CAST: variants seen among roughly 807,000 people sequenced by gnomAD.
The protein encoded by CAST is calpastatin.
Under a neutral mutation model 119.6 loss-of-function variants are expected in CAST, and 76 were observed. The ratio of observed to expected loss-of-function variants is 0.64; its 90% confidence interval spans 0.53 to 0.77. CAST has a LOEUF of 0.77. Among genes scored for constraint, CAST ranks in the 30% least tolerant of loss-of-function variants. The probability of loss-of-function intolerance (pLI) is 0.00; values close to 1 mark genes in which losing one functional copy is unlikely to be tolerated. For synonymous variants in CAST, 319 were observed against 331.6 expected, an observed-to-expected ratio of 0.96 and a Z score of 0.41; for missense variants, 953 against 946.5, an observed-to-expected ratio of 1.01 and a Z score of -0.09.
the CAST span, among the ~76,000 whole-genome samples, chr5:96,193,777 T>A: frequency 6.6e-6 from 1 of 152,166 alleles, no homozygotes; most frequent in African/African-American, 2.4e-5. Context: ...ATCAGCAGGA[T>A]GTTGCTTCTG....
chr5:96,652,036 C>T (rs932755531), intron 1 of CAST, among the ~76,000 whole-genome samples: 4 of 152,184 alleles, frequency 2.6e-5, no homozygotes, highest in Admixed American at 1.3e-4. Flanking sequence ...CAGAGAGCTT[C>T]GGTAAACTTC....
chr5:96,232,519 T>G, the CAST span, among the ~76,000 whole-genome samples: 1 of 152,110 alleles, frequency 6.6e-6, no homozygotes, highest in Non-Finnish European at 1.5e-5. Context: ...GAGAAAAGAT[T>G]GTTTTAGAAT....
chr5:96,353,330 C>T, the CAST span, among the ~76,000 whole-genome samples: 1 of 152,184 alleles, frequency 6.6e-6, no homozygotes, highest in Non-Finnish European at 1.5e-5. Flanking sequence ...CTACTAATCA[C>T]TTCCACTTAG....
the CAST span, among the ~76,000 whole-genome samples, chr5:96,419,958 G>T: frequency 6.6e-6 from 1 of 151,922 alleles, no homozygotes; most frequent in Non-Finnish European, 1.5e-5. Context: ...ACCCACACTG[G>T]ATCCTGGGGC....
Position 96,771,671 on chromosome 5 carries a change from G to C in CAST, c.2368G>C (p.Asp790His), listed in dbSNP as rs1772397302. Residue 790 changes from aspartate (D) to histidine (H), a missense_variant, in exon 31 of 32, where the codon GAT becomes CAT. Asp to His is a moderately conservative substitution (Grantham distance 81). Transcript: ENST00000675179. ...AACAGAGGAAACTTCCAAGCCAAAAGATGACTAAAGAAATACAAGTTAAGG... is the reference window on the plus strand; with the variant it reads ...AACAGAGGAAACTTCCAAGCCAAAACATGACTAAAGAAATACAAGTTAAGG... ...KTTEETSKPK[D>H]D is the part of the protein sequence containing the mutation. 1.2e-6 allele frequency: 2 copies of C among 1,611,378 alleles called. No individual in the cohort carries two copies. Among genetic ancestry groups the C allele is most frequent in the African/African-American group, 2.7e-5 (2 of 74,812 alleles).
the CAST span, among the ~76,000 whole-genome samples, chr5:96,364,661 G>T: frequency 3.7e-3 from 559 of 152,252 alleles, 8 homozygotes; most frequent in Admixed American, 0.027. Flanking sequence ...TGTGGGATTG[G>T]TGGTGATATC....
the CAST span, among the ~76,000 whole-genome samples, chr5:96,235,652 T>G: frequency 1.3e-5 from 2 of 152,152 alleles, no homozygotes; most frequent in Non-Finnish European, 2.9e-5. Flanking sequence ...TTGTAGCTAA[T>G]TAAGGTCAAC....
chr5:96,319,241 T>G, the CAST span, among the ~76,000 whole-genome samples: 3 of 152,128 alleles, frequency 2.0e-5, no homozygotes, highest in African/African-American at 7.2e-5. Flanking sequence ...CACCAAGACA[T>G]TCACAAGGAA....
At chr5:96,680,517 C>A (rs996056132) in intron 2 of CAST, among the ~76,000 whole-genome samples, 11 of 151,490 alleles carry the variant, frequency 7.3e-5, no homozygotes, top group Non-Finnish European at 1.3e-4. Context: ...TACTGAAATG[C>A]TGCATATCTT....
chr5:96,598,710 G>A (rs73152035), intron 1 of CAST, among the ~76,000 whole-genome samples: 1,598 of 152,288 alleles, frequency 0.01, 31 homozygotes, highest in African/African-American at 0.036. Context: ...GTGTTTGTGA[G>A]GGTGTTTCTG....
intron 1 of CAST, among the ~76,000 whole-genome samples, chr5:96,625,565 A>G (rs1747705355): frequency 6.6e-6 from 1 of 152,254 alleles, no homozygotes; most frequent in Admixed American, 6.5e-5. Context: ...AGCTCATAAA[A>G]GGGAAACCAA....
chr5:96,308,987 G>A, the CAST span: 1 of 152,308 alleles, frequency 6.6e-6, no homozygotes, highest in Non-Finnish European at 1.5e-5. Flanking sequence ...CGAACACTGT[G>A]CTAGGATGTC....
At chr5:96,000,976 A>C in the CAST span, among the ~76,000 whole-genome samples, 2 of 152,142 alleles carry the variant, frequency 1.3e-5, no homozygotes, top group Non-Finnish European at 2.9e-5. Flanking sequence ...AAAATGGCTA[A>C]AAATTCTGGG....
chr5:96,715,913 TCATA>T (rs1327815520), intron 3 of CAST, among the ~76,000 whole-genome samples: 18 of 152,344 alleles, frequency 1.2e-4, no homozygotes, highest in African/African-American at 4.3e-4. Flanking sequence ...TGAACTTCAT[TCATA>T]GATGATCCAT....
At chr5:96,570,414 A>T (rs1402696146) in intron 1 of CAST, among the ~76,000 whole-genome samples, 2 of 151,928 alleles carry the variant, frequency 1.3e-5, no homozygotes, top group African/African-American at 4.8e-5. Flanking sequence ...CTGAAATGAA[A>T]GGATTAGGGA....
At chr5:96,578,064 T>C (rs1746705116) in intron 1 of CAST, among the ~76,000 whole-genome samples, 1 of 152,192 alleles carries the variant, frequency 6.6e-6, no homozygotes. Context: ...TGAGTGTGTC[T>C]ATTTCTCCTT....
chr5:96,354,891 C>T, the CAST span, among the ~76,000 whole-genome samples: 1 of 150,738 alleles, frequency 6.6e-6, no homozygotes, highest in Admixed American at 6.6e-5. Flanking sequence ...TTTATTTTTT[C>T]TTAATTTTTT....
chr5:96,495,744 T>C, the CAST span, among the ~76,000 whole-genome samples: 3 of 152,214 alleles, frequency 2.0e-5, no homozygotes, highest in African/African-American at 7.2e-5. Flanking sequence ...GCATGTGTCT[T>C]TATAGTAGAA....
chr5:96,726,798 T>C lies in CAST; in HGVS notation c.275T>C (p.Ile92Thr), dbSNP rs374948780. ...GGGGCTGTGCTCTTATATTAGGCCA[T>C]TCCAGTCAGCCAACAGATGGAAGGA... Reference protein sequence around the residue: ...SSMNPTETKAIPVSQQMEGPH... With the variant: ...SSMNPTETKATPVSQQMEGPH... Residue 92 changes from isoleucine to threonine, a missense_variant, in exon 5 of 32, where the codon ATT (isoleucine) becomes ACT (threonine). Ile to Thr is a moderately conservative substitution (Grantham distance 89). Coordinates refer to ENST00000675179, the MANE Select transcript of CAST (RefSeq NM_001750.7). 94 of 1,612,056 alleles carry C rather than the reference T, an allele frequency of 5.8e-5. No individual in the cohort carries two copies. The Middle Eastern group carries it at 6.6e-4, about 11-fold the overall frequency.
Sources: gnomAD v4.1 joint callset for allele counts (sites outside exome capture counted in the v4.1 genomes callset) on GRCh38, gnomAD v4.1.1 for gene constraint, MANE v1.5 for transcripts, NCBI Gene and HGNC (gene_info 2026-07-23, HGNC 2026-07-21) for gene names.